The following NEK11 variants were observed in gnomAD, a reference collection of about 807,000 sequenced individuals.
NEK11 encodes NIMA related kinase 11, also known as serine/threonine-protein kinase Nek11.
A neutral mutation model predicts 80.7 loss-of-function variants in NEK11; 72 were observed. The ratio of observed to expected loss-of-function variants is 0.89; its 90% CI spans 0.74 to 1.08. The LOEUF is 1.08. Among genes scored for constraint, NEK11 ranks in the 50% least tolerant of loss-of-function variants. The pLI is 0.00. For missense variants in NEK11, 764 were observed against 763.6 expected, an observed-to-expected ratio of 1.00 and a Z score of -0.01; for synonymous variants, 251 against 260.7, an observed-to-expected ratio of 0.96 and a Z score of 0.36.
At chr3:131,051,711 G>C (rs1306457891) in intron 3 of NEK11, among the ~76,000 whole-genome samples, 1 of 151,866 alleles carries the variant, frequency 6.6e-6, no homozygotes, top group African/African-American at 2.4e-5. Context: ...TTGATACAGG[G>C]TTTCAATGTT....
intron 14 of NEK11, among the ~76,000 whole-genome samples, chr3:131,204,160 T>A (rs1200079524): frequency 6.6e-6 from 1 of 152,078 alleles, no homozygotes; most frequent in Non-Finnish European, 1.5e-5. Flanking sequence ...AGGATGGAGT[T>A]TGCCCAGATT....
chr3:131,325,955 G>A (rs2096960918), intron 17 of NEK11: 1 of 152,222 alleles, frequency 6.6e-6, no homozygotes, highest in African/African-American at 2.4e-5. Context: ...TGCAAACTCA[G>A]CTATGAGCTT....
chr3:131,119,320 C>T (rs148326650), intron 5 of NEK11, among the ~76,000 whole-genome samples: 2,013 of 152,236 alleles, frequency 0.013, 39 homozygotes, highest in African/African-American at 0.045. Flanking sequence ...TTTGATTGCA[C>T]GGTGGTCTGA....
At position 131,192,230 on chromosome 3, in the gene NEK11, CAAT is replaced by C. The variant is rs538750148; in HGVS notation, c.1399+21344_1399+21346del. On this transcript the variant is annotated intron_variant, in intron 14 of 17. Transcript: ENST00000383366. ...ACTAGGAAAATGCAGTTAAAAATCACAATGAGATACGACTTTACACCCATTAGA... is the reference window on the plus strand; with the variant it reads ...ACTAGGAAAATGCAGTTAAAAATCACGAGATACGACTTTACACCCATTAGA... Among the ~76,000 whole-genome samples the C allele has an allele frequency of 1.8e-4, 28 of 152,146 alleles. No homozygotes were observed. The East Asian group carries it at 5.4e-3, about 29-fold the overall frequency.
intron 15 of NEK11, among the ~76,000 whole-genome samples, chr3:131,233,583 A>G (rs1228670096): frequency 6.6e-6 from 1 of 152,176 alleles, no homozygotes; most frequent in Non-Finnish European, 1.5e-5. Flanking sequence ...AAAGGAAGGG[A>G]TCATGAGTTA....
chr3:131,034,561 G>A (rs948539056), intron 3 of NEK11, among the ~76,000 whole-genome samples: 6 of 152,036 alleles, frequency 3.9e-5, no homozygotes, highest in Admixed American at 2.6e-4. Flanking sequence ...CACCACACCC[G>A]GCTAATTTTT....
intron 14 of NEK11, among the ~76,000 whole-genome samples, chr3:131,208,571 C>T (rs564274873): frequency 4.6e-4 from 70 of 152,250 alleles, no homozygotes; most frequent in African/African-American, 1.6e-3. Flanking sequence ...GACATTTTCA[C>T]GATATTGATT....
chr3:131,184,265 A>G (rs2093500958), intron 14 of NEK11, among the ~76,000 whole-genome samples: 1 of 152,228 alleles, frequency 6.6e-6, no homozygotes, highest in South Asian at 2.1e-4. Context: ...TCAAAGTGTG[A>G]CCTGTGGATT....
chr3:131,319,043 A>G lies in NEK11; in HGVS notation c.1719-30514A>G, dbSNP rs2096872063. 2.0e-5 allele frequency among the ~76,000 whole-genome samples: 3 copies of G among 152,100 alleles called. No individual in the cohort carries two copies. In the South Asian group the frequency reaches 6.2e-4, roughly 32 times the overall value. On this transcript the variant is annotated intron_variant, in intron 17 of 17. Coordinates refer to ENST00000383366, the MANE Select transcript of NEK11 (RefSeq NM_024800.5). Reference sequence around the variant, plus strand: ...GTTTTCAGTTTTATAACTCATATATAATGTTGACATAAACTTTTTTTTACC... The same window carrying G: ...GTTTTCAGTTTTATAACTCATATATGATGTTGACATAAACTTTTTTTTACC...
At chr3:131,077,356 A>T (rs1456354193) in intron 3 of NEK11, among the ~76,000 whole-genome samples, 1 of 152,164 alleles carries the variant, frequency 6.6e-6, no homozygotes, top group Non-Finnish European at 1.5e-5. Flanking sequence ...CTGTCAGCTC[A>T]GTGACGTGAT....
intron 11 of NEK11, among the ~76,000 whole-genome samples, chr3:131,163,577 A>G (rs1477734909): frequency 6.6e-6 from 1 of 152,082 alleles, no homozygotes; most frequent in African/African-American, 2.4e-5. Flanking sequence ...TGGGGTTACT[A>G]GGGGCAGGGG....
At chr3:131,337,556 G>A (rs919981893) in intron 17 of NEK11, among the ~76,000 whole-genome samples, 3 of 151,510 alleles carry the variant, frequency 2.0e-5, no homozygotes, top group Non-Finnish European at 2.9e-5. Context: ...CATGGCACAT[G>A]TATACATATG....
At position 131,276,862 on chromosome 3, in the gene NEK11, G is replaced by T. The variant is rs960150150; in HGVS notation, c.1718+3288G>T. On this transcript the variant is annotated intron_variant, in intron 17 of 17. Transcript: ENST00000383366. ...CCCAATAATACCCATTATAGCAATT[G>T]TTTTTCTGATTCAGGATACAAGCCA... is the stretch of plus-strand genomic sequence containing the variant. Among the ~76,000 whole-genome samples the T allele has an allele frequency of 2.0e-5, 3 of 152,090 alleles. No homozygotes were observed. The South Asian group carries it at 6.2e-4, about 32-fold the overall frequency.
chr3:131,028,887 C>T (rs2064354850), intron 2 of NEK11, among the ~76,000 whole-genome samples: 1 of 152,242 alleles, frequency 6.6e-6, no homozygotes, highest in South Asian at 2.1e-4. Context: ...TGCCACGTCT[C>T]ATAGCTCCCT....
At chr3:131,160,216 C>G (rs1265758712) in intron 10 of NEK11, among the ~76,000 whole-genome samples, 1 of 152,196 alleles carries the variant, frequency 6.6e-6, no homozygotes, top group Non-Finnish European at 1.5e-5. Context: ...GCCCATCAAA[C>G]TAACAGCAGA....
At chr3:131,252,291 C>T (rs1181651987) in intron 16 of NEK11, among the ~76,000 whole-genome samples, 3 of 152,112 alleles carry the variant, frequency 2.0e-5, no homozygotes, top group African/African-American at 4.8e-5. Flanking sequence ...CAGGTGCCTG[C>T]AGAGCATGTC....
At chr3:131,313,855 A>C (rs1366976853) in intron 17 of NEK11, among the ~76,000 whole-genome samples, 5 of 152,222 alleles carry the variant, frequency 3.3e-5, no homozygotes, top group Non-Finnish European at 7.3e-5. Flanking sequence ...ATATGAACCA[A>C]GTAGCATTTC....
At chr3:131,139,353 G>GAAAAAAA (rs71622003) in intron 7 of NEK11, among the ~76,000 whole-genome samples, 103 of 107,344 alleles carry the variant, frequency 9.6e-4, no homozygotes, top group East Asian at 1.9e-3. Flanking sequence ...AGAGAAAAAA[G>GAAAAAAA]AAAAAAAAAA....
intron 14 of NEK11, among the ~76,000 whole-genome samples, chr3:131,183,399 C>A (rs1246675922): frequency 6.6e-6 from 1 of 152,152 alleles, no homozygotes; most frequent in Non-Finnish European, 1.5e-5. Flanking sequence ...GGTATTCAAC[C>A]CCATATGCAT....
Sources: gnomAD v4.1 joint callset for allele counts (sites outside exome capture counted in the v4.1 genomes callset) on GRCh38, gnomAD v4.1.1 for gene constraint, MANE v1.5 for transcripts, NCBI Gene and HGNC (gene_info 2026-07-23, HGNC 2026-07-21) for gene names.